Variants in AXDND1 observed in about 807,000 individuals in gnomAD.
AXDND1 encodes the protein axonemal dynein light chain domain-containing protein 1.
AXDND1 carries 110 observed loss-of-function variants against 137.5 expected under a neutral mutation model. That is an observed-to-expected ratio of 0.80 (90% CI 0.69 to 0.94). The LOEUF is 0.94. Among genes scored for constraint, AXDND1 ranks in the 40% least tolerant of loss-of-function variants. The pLI is 0.00. For synonymous variants in AXDND1, 414 were observed against 399.7 expected, an observed-to-expected ratio of 1.04 and a Z score of -0.43; for missense variants, 1,191 against 1,169.8, an observed-to-expected ratio of 1.02 and a Z score of -0.26.
chr1:179,417,209 T>C (rs984729703), intron 12 of AXDND1, among the ~76,000 whole-genome samples: 1 of 151,132 alleles, frequency 6.6e-6, no homozygotes, highest in Admixed American at 6.6e-5. Flanking sequence ...TTTTTTGCTA[T>C]TGAGTTGTTT....
intron 16 of AXDND1, chr1:179,449,086 G>A (rs575105893): frequency 3.8e-5 from 17 of 446,930 alleles, no homozygotes; most frequent in Non-Finnish European, 6.7e-5. Flanking sequence ...GGATCTCACC[G>A]TGTTGCACAG....
intron 21 of AXDND1, among the ~76,000 whole-genome samples, chr1:179,511,871 T>C (rs1669096340): frequency 6.6e-6 from 1 of 152,128 alleles, no homozygotes. Context: ...CTTTTGATAA[T>C]TGTCTATTCA....
At chr1:179,525,559 T>TACCACAG in intron 22 of AXDND1, 112 bp downstream of exon 22, 1 of 1,240,822 alleles carries the variant, frequency 8.1e-7, no homozygotes, top group Non-Finnish European at 1.1e-6. Context: ...TGCTGTGGTA[T>TACCACAG]CATCATAGCT....
intron 17 of AXDND1, among the ~76,000 whole-genome samples, chr1:179,472,811 A>G (rs1664129977): frequency 6.6e-6 from 1 of 152,162 alleles, no homozygotes; most frequent in Admixed American, 6.6e-5. Context: ...CAGTACAGCC[A>G]CACCAGCTTT....
intron 23 of AXDND1, among the ~76,000 whole-genome samples, chr1:179,531,942 C>T (rs1671075941): frequency 6.6e-6 from 1 of 152,166 alleles, no homozygotes; most frequent in South Asian, 2.1e-4. Context: ...AGTAAAATAG[C>T]ACAAAAGCCA....
chr1:179,457,498 G>A (rs72719277), intron 16 of AXDND1, among the ~76,000 whole-genome samples: 9,566 of 152,184 alleles, frequency 0.063, 359 homozygotes, highest in African/African-American at 0.071. Context: ...TTTGTTCTTA[G>A]TTTAGCTTCC....
intron 22 of AXDND1, among the ~76,000 whole-genome samples, chr1:179,527,281 T>C (rs1286905470): frequency 6.6e-6 from 1 of 152,136 alleles, no homozygotes; most frequent in Non-Finnish European, 1.5e-5. Context: ...CAACCAGAGG[T>C]CACTCTTGTG....
chr1:179,380,205 C>T (rs541486487), intron 6 of AXDND1, among the ~76,000 whole-genome samples: 7 of 151,462 alleles, frequency 4.6e-5, no homozygotes, highest in South Asian at 2.1e-4. Flanking sequence ...GCTGAGATCG[C>T]GCCACTGCAC....
intron 11 of AXDND1, among the ~76,000 whole-genome samples, chr1:179,401,826 C>T (rs1029688798): frequency 1.5e-4 from 23 of 152,044 alleles, no homozygotes; most frequent in African/African-American, 5.6e-4. Flanking sequence ...ATTGTGAGGC[C>T]TCCCCAGCCA....
chr1:179,522,599 T>C (rs922999024), intron 21 of AXDND1, among the ~76,000 whole-genome samples: 1 of 151,936 alleles, frequency 6.6e-6, no homozygotes, highest in African/African-American at 2.4e-5. Context: ...TAAATAAATA[T>C]AATCCATGAT....
rs1409546629 is a variant in AXDND1, at chr1:179,411,345, T to G, written c.1230+79T>G. On this transcript the variant is annotated intron_variant, in intron 12 of 25. Coordinates refer to ENST00000367618, the MANE Select transcript of AXDND1 (RefSeq NM_144696.6). ...CTACAGTTTTAAAATTTGTTTTTTT[T>G]GTTTTGTTTTGTTTTGAAAGAGTCT... The G allele has an allele frequency of 2.5e-6, 3 of 1,195,116 alleles. No homozygotes were observed. In the African/African-American group the frequency reaches 4.7e-5, roughly 19 times the overall value. The allele number at this position is 1,195,116 out of a possible 1,614,324, so 74.0% of individuals were successfully genotyped here.
At chr1:179,506,743 A>G (rs924653968) in intron 20 of AXDND1, 1 of 511,418 alleles carries the variant, frequency 2.0e-6, no homozygotes, top group Admixed American at 6.4e-5. Context: ...AAAACAAAAC[A>G]AAACTTCCTC....
intron 25 of AXDND1, chr1:179,544,339 C>T (rs1672443562): frequency 6.6e-6 from 1 of 152,054 alleles, no homozygotes; most frequent in Admixed American, 6.5e-5. Context: ...ACTCTGCAGA[C>T]AAGACTGGCA....
At chr1:179,447,702 T>A in intron 16 of AXDND1, 1 of 1,345,894 alleles carries the variant, frequency 7.4e-7, no homozygotes, top group Non-Finnish European at 1.1e-6. Context: ...GGGGAGACTT[T>A]GTAGGCATGA....
At chr1:179,439,110 T>A (rs1658622050) in intron 15 of AXDND1, among the ~76,000 whole-genome samples, 1 of 152,146 alleles carries the variant, frequency 6.6e-6, no homozygotes, top group Non-Finnish European at 1.5e-5. Context: ...CCTTTAGGTC[T>A]CCAATCCACA....
intron 25 of AXDND1, among the ~76,000 whole-genome samples, chr1:179,548,202 G>C (rs1268940229): frequency 6.6e-6 from 1 of 152,180 alleles, no homozygotes. Context: ...TTTGGATGCA[G>C]CCTCATGGCT....
intron 23 of AXDND1, among the ~76,000 whole-genome samples, chr1:179,530,718 C>T (rs1670966499): frequency 6.6e-6 from 1 of 152,158 alleles, no homozygotes; most frequent in Non-Finnish European, 1.5e-5. Flanking sequence ...TGTCTAGGTT[C>T]TGATTAACCA....
chr1:179,406,552 A>T (rs1653002750), intron 11 of AXDND1, among the ~76,000 whole-genome samples: 1 of 152,066 alleles, frequency 6.6e-6, no homozygotes, highest in African/African-American at 2.4e-5. Context: ...GGGTGCATAT[A>T]TATTTAGAGT....
At chr1:179,551,579 A>C in intron 25 of AXDND1, 1 of 1,058,266 alleles carries the variant, frequency 9.4e-7, no homozygotes, top group South Asian at 1.4e-5. Context: ...AGCATAGAAC[A>C]TGTTTATTCT....
Sources: allele counts gnomAD v4.1 joint callset (sites outside exome capture counted in the v4.1 genomes callset), GRCh38; gene constraint gnomAD v4.1.1; transcripts MANE v1.5; gene names NCBI Gene and HGNC (gene_info 2026-07-23, HGNC 2026-07-21).